SDK1: variants seen among roughly 807,000 people sequenced by gnomAD.
The protein encoded by SDK1 is sidekick cell adhesion molecule 1.
SDK1 carries 157 observed loss-of-function variants against 245.5 expected under a neutral mutation model. The ratio of observed to expected loss-of-function variants is 0.64; its 90% CI spans 0.56 to 0.73. SDK1 has a LOEUF of 0.73. SDK1 is among the 30% of genes least tolerant of loss of function. SDK1 has a pLI of 0.00. For synonymous variants in SDK1, 1,647 were observed against 1,278.5 expected (o/e 1.29, Z -6.15); for missense variants, 3,583 against 3,002.3 (o/e 1.19, Z -4.52).
At chr7:3,909,556 C>T (rs1779082154) in intron 5 of SDK1, among the ~76,000 whole-genome samples, 1 of 152,212 alleles carries the variant, frequency 6.6e-6, no homozygotes, top group African/African-American at 2.4e-5. Flanking sequence ...GAAAAGGGGA[C>T]AGTGACGGTG....
intron 1 of SDK1, among the ~76,000 whole-genome samples, chr7:3,596,276 T>G (rs1456384273): frequency 6.6e-6 from 1 of 152,046 alleles, no homozygotes; most frequent in Admixed American, 6.5e-5. Context: ...AGAAATGAAA[T>G]TTCAGTAATA....
intron 44 of SDK1, among the ~76,000 whole-genome samples, chr7:4,250,842 C>G (rs567204344): frequency 6.6e-6 from 1 of 152,108 alleles, no homozygotes; most frequent in Non-Finnish European, 1.5e-5. Context: ...ATATACGATT[C>G]AATGGTTTTT....
intron 17 of SDK1, among the ~76,000 whole-genome samples, chr7:4,044,456 A>AT (rs60227250): frequency 1.9e-3 from 285 of 151,418 alleles, no homozygotes; most frequent in Non-Finnish European, 3.4e-3. Context: ...GCTTTGCTTT[A>AT]TTTTTTTTTA....
At chr7:4,232,411 C>CTTTTTTTTTTTTTT (rs71032930) in intron 40 of SDK1, among the ~76,000 whole-genome samples, 7 of 98,784 alleles carry the variant, frequency 7.1e-5, no homozygotes, top group East Asian at 3.2e-4. Flanking sequence ...TCTTTTCTTT[C>CTTTTTTTTTTTTTT]TTTTTTTTTT....
chr7:3,685,541 G>T (rs1249918080), intron 4 of SDK1, among the ~76,000 whole-genome samples: 4 of 152,116 alleles, frequency 2.6e-5, no homozygotes, highest in Non-Finnish European at 5.9e-5. Flanking sequence ...AGAAAAATAG[G>T]GGCAAATATA....
rs1562730670 is a variant in SDK1, at chr7:4,051,103, A to AT, written c.2719-535_2719-534insT. 3.5e-4 allele frequency among the ~76,000 whole-genome samples: 49 copies of AT among 139,950 alleles called. 1 individual carries two copies. The South Asian group carries it at 0.01, about 30-fold the overall frequency. The allele number at this position is 139,950 out of a possible 152,430, so 91.8% of individuals were successfully genotyped here. A position where few individuals can be genotyped will look rare whatever the true frequency, so the allele number is the denominator to read the frequency against. On this transcript the variant is annotated intron_variant, in intron 18 of 44. Transcript: ENST00000404826. ...TATATAGTATACTATATGTGTATAT[A>AT]ATATATATGTATAATATATACATAT... is the stretch of plus-strand genomic sequence containing the variant.
intron 2 of SDK1, among the ~76,000 whole-genome samples, chr7:3,632,164 TTGAGAGAGCAATTAA>T (rs1400650140): frequency 6.6e-6 from 1 of 152,206 alleles, no homozygotes; most frequent in Admixed American, 6.5e-5. Context: ...TTTTACCGAC[TTGAGAGAGCAATTAA>T]TGCTCACAGT....
chr7:3,442,958 G>A (rs910872151), intron 1 of SDK1, among the ~76,000 whole-genome samples: 2 of 152,060 alleles, frequency 1.3e-5, no homozygotes, highest in African/African-American at 4.8e-5. Context: ...CAAGAAGCCT[G>A]CTCTATAAAG....
chr7:3,500,885 C>A (rs1004914409), intron 1 of SDK1, among the ~76,000 whole-genome samples: 3 of 151,594 alleles, frequency 2.0e-5, no homozygotes, highest in Non-Finnish European at 4.4e-5. Context: ...ATATTATTTT[C>A]TTCTATCATG....
rs141370160 is a variant in SDK1, at chr7:4,253,528, T to C, written c.6381+7723T>C. Among the ~76,000 whole-genome samples the C allele has an allele frequency of 5.7e-3, 861 of 152,308 alleles. 30 individuals carry two copies. Among genetic ancestry groups the C allele is most frequent in the Admixed American group, 0.049 (754 of 15,300 alleles). Reference sequence around the variant, plus strand: ...TATATTTTCAGTCCTTTAAAATTCATTGGGTCTTATTTTAAGGCCTGGCCT... The same window carrying C: ...TATATTTTCAGTCCTTTAAAATTCACTGGGTCTTATTTTAAGGCCTGGCCT... On this transcript the variant is annotated intron_variant, in intron 44 of 44. Transcript: ENST00000404826.
intron 1 of SDK1, among the ~76,000 whole-genome samples, chr7:3,493,946 GT>G (rs1227294142): frequency 6.6e-6 from 1 of 152,218 alleles, no homozygotes; most frequent in Admixed American, 6.5e-5. Context: ...TGTTTCAGTG[GT>G]TTTGTATAGC....
intron 1 of SDK1, among the ~76,000 whole-genome samples, chr7:3,591,899 C>T (rs1366162913): frequency 6.6e-6 from 1 of 152,168 alleles, no homozygotes; most frequent in African/African-American, 2.4e-5. Context: ...GGGGTGGTGT[C>T]TGAAGTTTGA....
At chr7:4,151,740 G>T (rs910244558) in intron 30 of SDK1, among the ~76,000 whole-genome samples, 1 of 152,190 alleles carries the variant, frequency 6.6e-6, no homozygotes, top group Non-Finnish European at 1.5e-5. Context: ...TAACAACCAT[G>T]TGGACATGCA....
At chr7:4,006,755 G>C (rs1247789782) in intron 14 of SDK1, among the ~76,000 whole-genome samples, 1 of 152,224 alleles carries the variant, frequency 6.6e-6, no homozygotes, top group Non-Finnish European at 1.5e-5. Context: ...GGACTGGGCA[G>C]GCCCCGAGAT....
chr7:3,567,766 T>C (rs578196926), intron 1 of SDK1, among the ~76,000 whole-genome samples: 9 of 152,312 alleles, frequency 5.9e-5, no homozygotes, highest in Non-Finnish European at 1.2e-4. Context: ...CTGCATAACA[T>C]TCTACATGGT....
chr7:3,499,600 T>C (rs1192078260), intron 1 of SDK1, among the ~76,000 whole-genome samples: 2 of 152,252 alleles, frequency 1.3e-5, no homozygotes, highest in East Asian at 3.8e-4. Context: ...ATTGTTGTTT[T>C]GCATAAAGCA....
chr7:4,089,416 G>C (rs1416423817), intron 22 of SDK1, among the ~76,000 whole-genome samples: 2 of 152,248 alleles, frequency 1.3e-5, no homozygotes, highest in Non-Finnish European at 2.9e-5. Flanking sequence ...CCCGCCTCAG[G>C]GGGCCTCTGT....
Position 4,234,642 on chromosome 7 carries a change from A to T in SDK1, c.5992+1223A>T, listed in dbSNP as rs1007458696. 1.3e-5 allele frequency among the ~76,000 whole-genome samples: 2 copies of T among 152,080 alleles called. 1 individual carries two copies. Among genetic ancestry groups the T allele is most frequent in the African/African-American group, 4.8e-5 (2 of 41,406 alleles). On this transcript the variant is annotated intron_variant, in intron 41 of 44. Coordinates refer to ENST00000404826, the MANE Select transcript of SDK1 (RefSeq NM_152744.4). ...CCCCCATGTGCCTGTGAGGGACTCA[A>T]CCCTGGCCGCACCTTAGGGTTGCTT... is the stretch of plus-strand genomic sequence containing the variant.
At chr7:4,196,967 A>G (rs145204562) in intron 35 of SDK1, among the ~76,000 whole-genome samples, 15 of 152,386 alleles carry the variant, frequency 9.8e-5, no homozygotes, top group African/African-American at 3.6e-4. Context: ...GAGACCGTCT[A>G]GGCTTGAACT....
Sources: allele counts gnomAD v4.1 joint callset (sites outside exome capture counted in the v4.1 genomes callset), GRCh38; gene constraint gnomAD v4.1.1; transcripts MANE v1.5; gene names NCBI Gene and HGNC (gene_info 2026-07-23, HGNC 2026-07-21).